The following VARS2 variants were observed in gnomAD, a reference collection of about 807,000 sequenced individuals.
VARS2 encodes valine--tRNA ligase, mitochondrial.
A neutral mutation model predicts 154.1 loss-of-function variants in VARS2; 105 were observed. That is an observed-to-expected ratio of 0.68 (90% CI 0.58 to 0.80). The LOEUF (loss-of-function observed/expected upper bound fraction) is 0.80. Ranked by LOEUF, VARS2 falls within the 30% of genes least tolerant of loss-of-function variation. The pLI is 0.00. For synonymous variants in VARS2, 483 were observed against 539.5 expected (o/e 0.90, Z 1.45); for missense variants, 1,157 against 1,361.4 (o/e 0.85, Z 2.36).
rs781321588 is a variant in VARS2, at chr6:30,922,187, G to T, written c.1878G>T (p.Val626=). ...ETGSDLLLFW[V]GRMVMLGTQL... ...GCAGCGACCTTCTGCTGTTCTGGGTGGGCCGCATGGTCATGTTGGGGACCC... is the reference window on the plus strand; with the variant it reads ...GCAGCGACCTTCTGCTGTTCTGGGTTGGCCGCATGGTCATGTTGGGGACCC... Residue 626 remains valine (V), a synonymous_variant, in exon 20 of 30, where the codon GTG becomes GTT. Transcript: ENST00000676266. The T allele has an allele frequency of 6.2e-7, 1 of 1,612,912 alleles. No individual in the cohort carries two copies. The highest frequency in any genetic ancestry group is 1.7e-5 in the Admixed American group (1 of 59,996).
chr6:30,915,786 G>A lies in VARS2; in HGVS notation c.425G>A (p.Cys142Tyr), dbSNP rs778456975. The A allele has an allele frequency of 3.1e-6, 5 of 1,613,772 alleles. No homozygotes were observed. Among genetic ancestry groups the A allele is most frequent in the Admixed American group, 1.7e-5 (1 of 60,022 alleles). Residue 142 changes from cysteine to tyrosine, a missense_variant, in exon 5 of 30, where the codon TGT becomes TAT. Cys to Tyr is a radical substitution (Grantham distance 194). Transcript: ENST00000676266. The stretch of plus-strand genomic sequence containing the variant: ...GCTACAGGGGAGACCTTTTCCATGT[G>A]TATCCCACCTCCCAATGTCACTGGC... Reference protein sequence around the residue: ...PQATGETFSMCIPPPNVTGSL... With the variant: ...PQATGETFSMYIPPPNVTGSL...
At position 30,920,806 on chromosome 6, in the gene VARS2, T is replaced by C. The variant is rs1794463176; in HGVS notation, c.1479+57T>C. 38 of 1,417,320 alleles carry C rather than the reference T, an allele frequency of 2.7e-5. No homozygotes were observed. Among genetic ancestry groups the C allele is most frequent in the Non-Finnish European group, 3.4e-5 (36 of 1,055,056 alleles). 87.8% of individuals were successfully genotyped at this position (1,417,320 alleles called of 1,614,324 possible). A position where few individuals can be genotyped will look rare whatever the true frequency, so the allele number is the denominator to read the frequency against. On this transcript the variant is annotated intron_variant, in intron 15 of 29. Coordinates refer to ENST00000676266, the MANE Select transcript of VARS2 (RefSeq NM_020442.6). The surrounding 1 kb of genome is among the most constrained non-coding windows in gnomAD (Gnocchi z 4.6). ...AGGGGTTGGGGGAGCTCCCTGAGAATTGGAATGAAGAAATGGGAAGCAGGA... is the reference window on the plus strand; with the variant it reads ...AGGGGTTGGGGGAGCTCCCTGAGAACTGGAATGAAGAAATGGGAAGCAGGA...
chr6:30,916,135 C>T lies in VARS2; in HGVS notation c.574-17C>T, dbSNP rs41273017. On this transcript the variant is annotated splice_polypyrimidine_tract_variant and intron_variant, in intron 6 of 29. Transcript: ENST00000676266. This position sits in a 1 kb window ranked among gnomAD's most constrained non-coding sequence, Gnocchi z 4.0. Reference sequence around the variant, plus strand: ...AAGCAACCTGACTCTGTTCATTTGCCCTGAATCCAACTGCAGGCTGTGGTG... The same window carrying T: ...AAGCAACCTGACTCTGTTCATTTGCTCTGAATCCAACTGCAGGCTGTGGTG... 1 of 1,613,796 alleles carries T rather than the reference C, an allele frequency of 6.2e-7. No homozygotes were observed. The highest frequency in any genetic ancestry group is 8.5e-7 in the Non-Finnish European group (1 of 1,179,804).
At position 30,919,879 on chromosome 6, in the gene VARS2, T is replaced by C. The variant is rs762044616; in HGVS notation, c.1165+31T>C. 1.1e-5 allele frequency: 17 copies of C among 1,527,212 alleles called. No individual in the cohort carries two copies. The African/African-American group carries it at 1.7e-4, about 15-fold the overall frequency. The allele number at this position is 1,527,212 out of a possible 1,614,324, so 94.6% of individuals were successfully genotyped here. On this transcript the variant is annotated intron_variant, in intron 12 of 29. Transcript: ENST00000676266. This position sits in a 1 kb window ranked among gnomAD's most constrained non-coding sequence, Gnocchi z 4.5. ...TGGAAGTCAGGGGAGGGAGAGAAAG[T>C]TGGGGGTCCTGGAGGAGAGGGGAGG...
rs769772207 is a variant in VARS2 at position 30,916,093 on chromosome 6, C to A, written c.573+46C>A. Reference sequence around the variant, plus strand: ...TCCTTTTCTTGGGCAAAAGCAATTTCTTCCCCCAAAGCAACCAAGCAACCT... The same window carrying A: ...TCCTTTTCTTGGGCAAAAGCAATTTATTCCCCCAAAGCAACCAAGCAACCT... On this transcript the variant is annotated intron_variant, in intron 6 of 29. Coordinates refer to ENST00000676266, the MANE Select transcript of VARS2 (RefSeq NM_020442.6). This position sits in a 1 kb window ranked among gnomAD's most constrained non-coding sequence, Gnocchi z 4.0. The A allele has an allele frequency of 4.6e-6, 7 of 1,534,702 alleles. No homozygotes were observed. Among genetic ancestry groups the A allele is most frequent in the Non-Finnish European group, 6.1e-6 (7 of 1,143,972 alleles).
Position 30,916,540 on chromosome 6 carries a change from C to T in VARS2, c.671+291C>T. The T allele has an allele frequency of 2.8e-6, 1 of 358,846 alleles. No homozygotes were observed. The highest frequency in any genetic ancestry group is 4.9e-6 in the Non-Finnish European group (1 of 205,478). The allele number at this position is 358,846 out of a possible 1,614,324, so 22.2% of individuals were successfully genotyped here. On this transcript the variant is annotated intron_variant, in intron 7 of 29. Coordinates refer to ENST00000676266, the MANE Select transcript of VARS2 (RefSeq NM_020442.6). The surrounding 1 kb of genome is among the most constrained non-coding windows in gnomAD (Gnocchi z 4.0). ...ACCCCAATTTCTCTTGTCTAAATCT[C>T]ACCTTCTTCCACTCGCCCATTCCCA...
intron 10 of VARS2, among the ~76,000 whole-genome samples, chr6:30,918,313 G>A (rs187233300): frequency 5.9e-5 from 9 of 152,280 alleles, no homozygotes; most frequent in South Asian, 2.1e-4. Flanking sequence ...TGATCTGCCC[G>A]CCTTGGCCTC....
intron 4 of VARS2, 85 bp from the exon 5 acceptor site, chr6:30,915,661 G>C (rs756431058): frequency 2.0e-5 from 32 of 1,576,964 alleles, no homozygotes; most frequent in Non-Finnish European, 2.8e-5. Context: ...CTTCCTTGAA[G>C]TTCTTTCTGT....
At position 30,917,691 on chromosome 6, in the gene VARS2, C is replaced by T. The variant is rs1229505952; in HGVS notation, c.874-4C>T. The T allele has an allele frequency of 6.4e-7, 1 of 1,553,352 alleles. No individual in the cohort carries two copies. The highest frequency in any genetic ancestry group is 8.7e-7 in the Non-Finnish European group (1 of 1,148,930). On this transcript the variant is annotated splice_polypyrimidine_tract_variant and splice_region_variant and intron_variant, in intron 9 of 29. Coordinates refer to ENST00000676266, the MANE Select transcript of VARS2 (RefSeq NM_020442.6). This position sits in a 1 kb window ranked among gnomAD's most constrained non-coding sequence, Gnocchi z 4.4. ...CTCTGACCCAGCTTTCTCGGTGCCT[C>T]CAGGTGGAGAACCGGCCCCTGCCTG...
Position 30,925,558 on chromosome 6 carries a change from T to C in VARS2, c.2800T>C (p.Ser934Pro). Residue 934 changes from serine to proline, a missense_variant, in exon 28 of 30, where the codon TCA becomes CCA. Coordinates refer to ENST00000676266, the MANE Select transcript of VARS2 (RefSeq NM_020442.6). ...TTTCTTTCCAGTGCTGCTGCAGAGC[T>C]CAGAGCCTGGGGACCAGGGCCTCTT... ...KARPRVLLQS[S>P]EPGDQGLFEA... The C allele has an allele frequency of 6.3e-7, 1 of 1,594,566 alleles. No homozygotes were observed. The highest frequency in any genetic ancestry group is 1.1e-5 in the South Asian group (1 of 88,604).
At position 30,921,596 on chromosome 6, in the gene VARS2, A is replaced by G. The variant is rs1268929160; in HGVS notation, c.1640A>G (p.Glu547Gly). 1.2e-6 allele frequency: 2 copies of G among 1,605,794 alleles called. No homozygotes were observed. Among genetic ancestry groups the G allele is most frequent in the African/African-American group, 2.7e-5 (2 of 74,880 alleles). ...LVVEDHAQGE[E>G]DCWVVGRSEA... ...CCCTTCCTACTTTTGCAGGGAGAAGAGGACTGTTGGGTGGTTGGGCGGTCA... is the reference window on the plus strand; with the variant it reads ...CCCTTCCTACTTTTGCAGGGAGAAGGGGACTGTTGGGTGGTTGGGCGGTCA... Residue 547 changes from glutamate to glycine, a missense_variant, in exon 18 of 30, where the codon GAG (glutamate) becomes GGG (glycine). By Grantham distance (98) the Glu-to-Gly change is moderately conservative (BLOSUM62 -2). Coordinates refer to ENST00000676266, the MANE Select transcript of VARS2 (RefSeq NM_020442.6). This position sits in a 1 kb window ranked among gnomAD's most constrained non-coding sequence, Gnocchi z 4.6.
intron 1 of VARS2, 100 bp from the exon 2 acceptor site, chr6:30,914,710 A>G: frequency 8.1e-7 from 1 of 1,238,048 alleles, no homozygotes; most frequent in South Asian, 1.5e-5. Flanking sequence ...GAGACTTGGA[A>G]TAACAGACCT....
rs1340375152 is a variant in VARS2 at position 30,922,714 on chromosome 6, G to C, written c.2046G>C (p.Gln682His). Reference protein sequence around the residue: ...IISGVEMQVLQEKLRSGNLDP... With the variant: ...IISGVEMQVLHEKLRSGNLDP... ...CCCCCTTCCATCCCCAGGTGCTGCA[G>C]GAAAAGCTGAGAAGCGGAAATTTGG... The change falls in exon 22 of 30, where the codon CAG becomes CAC. Residue 682 changes from glutamine (Q) to histidine (H), a missense_variant. By Grantham distance (24) the Gln-to-His change is conservative. Coordinates refer to ENST00000676266, the MANE Select transcript of VARS2 (RefSeq NM_020442.6). 4.3e-6 allele frequency: 7 copies of C among 1,612,638 alleles called. No homozygotes were observed. In the African/African-American group the frequency reaches 6.7e-5, roughly 15 times the overall value.
In VARS2 at chr6:30,916,690, C is replaced by G; in HGVS notation, c.672-188C>G. ...CCTCTCTTCCTATAGAATCTTTTGCCTCTTTTAATATCTTAGAAAACCCCA... is the reference window on the plus strand; with the variant it reads ...CCTCTCTTCCTATAGAATCTTTTGCGTCTTTTAATATCTTAGAAAACCCCA... On this transcript the variant is annotated intron_variant, in intron 7 of 29. Coordinates refer to ENST00000676266, the MANE Select transcript of VARS2 (RefSeq NM_020442.6). This position sits in a 1 kb window ranked among gnomAD's most constrained non-coding sequence, Gnocchi z 4.0. The G allele has an allele frequency of 1.6e-6, 1 of 617,618 alleles. No homozygotes were observed. Among genetic ancestry groups the G allele is most frequent in the Non-Finnish European group, 2.9e-6 (1 of 346,436 alleles). 38.3% of individuals were successfully genotyped at this position (617,618 alleles called of 1,614,324 possible).
chr6:30,925,855 G>T, intron 28 of VARS2, 25 bp from the exon 29 acceptor site: 1 of 1,612,106 alleles, frequency 6.2e-7, no homozygotes, highest in Non-Finnish European at 8.5e-7. Context: ...GGATGTCTGA[G>T]CCTTTTCTCC....
At chr6:30,914,673 G>C in intron 1 of VARS2, 137 bp from the exon 2 acceptor site, 2 of 1,099,450 alleles carry the variant, frequency 1.8e-6, no homozygotes, top group Non-Finnish European at 2.5e-6. Context: ...TAGCTCTCAA[G>C]GAGGAAAGGT....
In VARS2 at chr6:30,922,910, C is replaced by T. The variant is rs749047148; in HGVS notation, c.2119C>T (p.Pro707Ser). 1.9e-6 allele frequency: 3 copies of T among 1,606,974 alleles called. No homozygotes were observed. In the South Asian group the frequency reaches 3.3e-5, roughly 18 times the overall value. ...CCTCTGGTTGCAGAAAAAGGACTTT[C>T]CTCACGGGATCCCTGAGTGTGGGAC... ...IVAAAQKKDFPHGIPECGTDA... is the reference protein window; with the variant it reads ...IVAAAQKKDFSHGIPECGTDA... The change falls in exon 23 of 30, where the codon CCT becomes TCT. Residue 707 changes from proline to serine, a missense_variant. By Grantham distance (74) the Pro-to-Ser change is moderately conservative. Transcript: ENST00000676266.
rs917284901 is a variant in VARS2 at position 30,916,576 on chromosome 6, C to G, written c.672-302C>G. On this transcript the variant is annotated intron_variant, in intron 7 of 29. Transcript: ENST00000676266. The surrounding 1 kb of genome is among the most constrained non-coding windows in gnomAD (Gnocchi z 4.0). ...ACTCGCCCATTCCCACCTTTCAATTCCCATGGAATTACCCTCATTCTTCTG... is the reference window on the plus strand; with the variant it reads ...ACTCGCCCATTCCCACCTTTCAATTGCCATGGAATTACCCTCATTCTTCTG... 1 of 437,900 alleles carries G rather than the reference C, an allele frequency of 2.3e-6. No individual in the cohort carries two copies. Among genetic ancestry groups the G allele is most frequent in the African/African-American group, 2.0e-5 (1 of 50,560 alleles). 27.1% of individuals were successfully genotyped at this position (437,900 alleles called of 1,614,324 possible).
In VARS2 at chr6:30,922,296, T is replaced by G. The variant is rs1794570228; in HGVS notation, c.1932+55T>G. 7.5e-6 allele frequency: 12 copies of G among 1,596,032 alleles called. No homozygotes were observed. In the East Asian group the frequency reaches 2.7e-4, roughly 36 times the overall value. ...CTGTGACTCCAGTGTTCCCCAAACC[T>G]TGTCCTCCCTTCTAACCCCTAATGT... On this transcript the variant is annotated intron_variant, in intron 20 of 29. Transcript: ENST00000676266.
Sources: allele counts gnomAD v4.1 joint callset (sites outside exome capture counted in the v4.1 genomes callset), GRCh38; gene constraint gnomAD v4.1.1; non-coding constraint Gnocchi (gnomAD v3.1); transcripts MANE v1.5; gene names NCBI Gene and HGNC (gene_info 2026-07-23, HGNC 2026-07-21).